DLGAP2: variants seen among roughly 807,000 people sequenced by gnomAD.
The protein encoded by DLGAP2 is disks large-associated protein 2.
A neutral mutation model predicts 100.3 loss-of-function variants in DLGAP2; 26 were observed. The ratio of observed to expected loss-of-function variants is 0.26; its 90% confidence interval spans 0.19 to 0.36. The LOEUF is 0.36. Ranked by LOEUF, DLGAP2 falls within the 10% of genes least tolerant of loss-of-function variation. The pLI, the probability that DLGAP2 is intolerant of heterozygous loss-of-function variation, is 1.00. For synonymous variants in DLGAP2, 886 were observed against 630.1 expected (o/e 1.41, Z -6.08); for missense variants, 1,858 against 1,453.2 (o/e 1.28, Z -4.53).
chr8:1,180,586 C>G (rs2116700909), intron 2 of DLGAP2, among the ~76,000 whole-genome samples: 1 of 144,670 alleles, frequency 6.9e-6, no homozygotes, highest in Admixed American at 7.4e-5. Flanking sequence ...AATGGCAGCA[C>G]ACTGTCGAGT....
intron 3 of DLGAP2, among the ~76,000 whole-genome samples, chr8:1,411,696 A>G (rs1183733970): frequency 1.3e-5 from 2 of 152,182 alleles, no homozygotes; most frequent in African/African-American, 2.4e-5. Context: ...AAGAGTAAGC[A>G]TTTCACAGGC....
chr8:966,799 A>G (rs1426858385), intron 2 of DLGAP2, among the ~76,000 whole-genome samples: 9 of 152,234 alleles, frequency 5.9e-5, no homozygotes, highest in Non-Finnish European at 1.5e-5. Flanking sequence ...GACTGTTGTT[A>G]GGATGGTCAA....
intron 2 of DLGAP2, among the ~76,000 whole-genome samples, chr8:1,081,155 G>A (rs1022010572): frequency 4.6e-5 from 7 of 151,764 alleles, no homozygotes; most frequent in African/African-American, 7.3e-5. Flanking sequence ...CTGTTTTCTC[G>A]TTTCTGAAAT....
intron 2 of DLGAP2, among the ~76,000 whole-genome samples, chr8:1,096,682 C>T (rs1192221198): frequency 2.1e-5 from 3 of 142,900 alleles, no homozygotes; most frequent in African/African-American, 2.7e-5. Context: ...CAGGCCTTCA[C>T]CCTCTGTGGC....
intron 3 of DLGAP2, among the ~76,000 whole-genome samples, chr8:1,337,663 A>G (rs943980581): frequency 6.6e-6 from 1 of 152,074 alleles, no homozygotes; most frequent in Non-Finnish European, 1.5e-5. Context: ...CTTAGATGTG[A>G]CACCAAAAGC....
intron 3 of DLGAP2, among the ~76,000 whole-genome samples, chr8:1,340,885 T>C (rs1178449839): frequency 1.3e-5 from 2 of 152,200 alleles, no homozygotes; most frequent in Admixed American, 6.5e-5. Context: ...ATGTACACCA[T>C]GGAATACTAT....
intron 12 of DLGAP2, among the ~76,000 whole-genome samples, chr8:1,681,661 A>T (rs558188848): frequency 6.6e-6 from 1 of 152,252 alleles, no homozygotes; most frequent in Non-Finnish European, 1.5e-5. Flanking sequence ...AAAGAAAGAA[A>T]GAATATCTAG....
chr8:802,301 C>T (rs1355483648), intron 1 of DLGAP2, among the ~76,000 whole-genome samples: 1 of 152,228 alleles, frequency 6.6e-6, no homozygotes, highest in African/African-American at 2.4e-5. Context: ...CCTCCTGGGT[C>T]CTCTGTCATC....
intron 2 of DLGAP2, among the ~76,000 whole-genome samples, chr8:1,135,378 T>C (rs1379814439): frequency 6.6e-6 from 1 of 152,106 alleles, no homozygotes; most frequent in Non-Finnish European, 1.5e-5. Context: ...TCTGAGTGCA[T>C]CTCGTCTTAG....
chr8:838,369 G>C (rs1484708060), intron 1 of DLGAP2, among the ~76,000 whole-genome samples: 2 of 151,940 alleles, frequency 1.3e-5, no homozygotes, highest in African/African-American at 4.8e-5. Context: ...GTTCTGGGAT[G>C]TGGTCTTGGC....
intron 2 of DLGAP2, among the ~76,000 whole-genome samples, chr8:1,017,773 C>A (rs960854491): frequency 1.3e-5 from 2 of 151,962 alleles, no homozygotes; most frequent in East Asian, 3.9e-4. Flanking sequence ...CGGGTAGACT[C>A]GTCTGAGTGC....
intron 2 of DLGAP2, among the ~76,000 whole-genome samples, chr8:1,126,327 G>A (rs1357338526): frequency 6.6e-6 from 1 of 152,038 alleles, no homozygotes; most frequent in Non-Finnish European, 1.5e-5. Flanking sequence ...AAACAGAACA[G>A]AGAAGAAGAG....
chr8:1,191,373 T>A (rs1014577044), intron 2 of DLGAP2, among the ~76,000 whole-genome samples: 19 of 152,102 alleles, frequency 1.2e-4, no homozygotes, highest in Admixed American at 8.5e-4. Context: ...GATTTCACCG[T>A]GTTAGCCAGG....
chr8:762,999 G>A (rs1484600773), intron 1 of DLGAP2, among the ~76,000 whole-genome samples: 3 of 151,984 alleles, frequency 2.0e-5, no homozygotes, highest in Non-Finnish European at 4.4e-5. Context: ...TAAATGTCCA[G>A]TAATGACAGT....
chr8:1,532,427 A>G (rs1278872613), intron 4 of DLGAP2, among the ~76,000 whole-genome samples: 1 of 152,190 alleles, frequency 6.6e-6, no homozygotes, highest in Admixed American at 6.5e-5. Context: ...GCAATACGAG[A>G]TTGGTTTTCT....
At chr8:1,096,786 G>T (rs1459821361) in intron 2 of DLGAP2, among the ~76,000 whole-genome samples, 2 of 143,340 alleles carry the variant, frequency 1.4e-5, no homozygotes, top group Admixed American at 6.9e-5. Context: ...CTGTGGCATG[G>T]AGAGGTCCCC....
Position 1,509,327 on chromosome 8 carries a change from C to CTAAAAAAAA in DLGAP2, c.172+7896_172+7897insTAAAAAAAA, listed in dbSNP as rs769352573. On this transcript the variant is annotated intron_variant, in intron 4 of 14. Coordinates refer to ENST00000637795, the MANE Select transcript of DLGAP2 (RefSeq NM_001346810.2). ...GCCTGGCAACAGAGCAAGACTCCGT[C>CTAAAAAAAA]CAAAAAAAAAAAAAAAACCGTATAG... Among the ~76,000 whole-genome samples the CTAAAAAAAA allele has an allele frequency of 2.4e-3, 186 of 77,446 alleles. 1 individual carries two copies. The highest frequency in any genetic ancestry group is 8.1e-3 in the African/African-American group (178 of 22,096). The allele number at this position is 77,446 out of a possible 152,430, so 50.8% of individuals were successfully genotyped here. A position where few individuals can be genotyped will look rare whatever the true frequency, so the allele number is the denominator to read the frequency against.
Position 1,707,780 on chromosome 8 carries a change from A to AAT in DLGAP2, c.*6384_*6385dup, listed in dbSNP as rs1799746210. 1 of 152,452 alleles carries AAT rather than the reference A, an allele frequency of 6.6e-6. No individual in the cohort carries two copies. The highest frequency in any genetic ancestry group is 1.5e-5 in the Non-Finnish European group (1 of 68,006). The allele number at this position is 152,452 out of a possible 1,614,324, so 9.4% of individuals were successfully genotyped here. ...GTTTAAAGTTTTAAAGAAGTATATA[A>AAT]ATATATATATAAATATAAATATGAA... On this transcript the variant is annotated 3_prime_UTR_variant, in exon 15 of 15. Transcript: ENST00000637795.
At chr8:1,037,485 G>A (rs1428128849) in intron 2 of DLGAP2, among the ~76,000 whole-genome samples, 1 of 152,090 alleles carries the variant, frequency 6.6e-6, no homozygotes, top group Admixed American at 6.5e-5. Flanking sequence ...CACTGAAGAG[G>A]CAGTGCTGCC....
Sources: allele counts gnomAD v4.1 joint callset (sites outside exome capture counted in the v4.1 genomes callset), GRCh38; gene constraint gnomAD v4.1.1; transcripts MANE v1.5; gene names NCBI Gene and HGNC (gene_info 2026-07-23, HGNC 2026-07-21).